The following ADGRD1 variants were observed in gnomAD, a reference collection of about 807,000 sequenced individuals.
ADGRD1 encodes adhesion G protein-coupled receptor D1, also known as G-protein coupled receptor 133.
ADGRD1 carries 77 observed loss-of-function variants against 113.4 expected under a neutral mutation model. That is an observed-to-expected ratio of 0.68 (90% CI 0.57 to 0.82). The LOEUF is 0.82. ADGRD1 is among the 40% of genes least tolerant of loss of function. The probability of loss-of-function intolerance (pLI) is 0.00; values close to 1 mark genes in which losing one functional copy is unlikely to be tolerated. For synonymous variants in ADGRD1, 474 were observed against 475.0 expected, an observed-to-expected ratio of 1.00 and a Z score of 0.03; for missense variants, 1,036 against 1,139.1, an observed-to-expected ratio of 0.91 and a Z score of 1.30.
intron 15 of ADGRD1, among the ~76,000 whole-genome samples, chr12:131,101,234 T>C (rs1950065915): frequency 6.6e-6 from 1 of 151,854 alleles, no homozygotes; most frequent in South Asian, 2.1e-4. Context: ...TGGAGACCTG[T>C]GTGGGGTGCA....
intron 19 of ADGRD1, among the ~76,000 whole-genome samples, chr12:131,118,655 C>T (rs1435605264): frequency 6.6e-6 from 1 of 152,162 alleles, no homozygotes; most frequent in African/African-American, 2.4e-5. Context: ...TTTGGGGCCT[C>T]GGAACTAGCA....
At chr12:131,111,407 A>G (rs1950344536) in intron 18 of ADGRD1, among the ~76,000 whole-genome samples, 1 of 152,182 alleles carries the variant, frequency 6.6e-6, no homozygotes, top group African/African-American at 2.4e-5. Flanking sequence ...TTTGGTGTTT[A>G]TTGAGCTTCT....
rs1333281406 is a variant in ADGRD1, at chr12:131,075,130, C to T, written c.1474-1671C>T. The stretch of plus-strand genomic sequence containing the variant: ...TCTGGCTGCTGGCTTCCCCAGGTCA[C>T]CGACTTATTTTTTAAATTTCCTTTA... On this transcript the variant is annotated intron_variant, in intron 13 of 24. Coordinates refer to ENST00000261654, the MANE Select transcript of ADGRD1 (RefSeq NM_198827.5). This position sits in a 1 kb window ranked among gnomAD's most constrained non-coding sequence, Gnocchi z 5.3. Among the ~76,000 whole-genome samples, 1 of 152,152 alleles carries T rather than the reference C, an allele frequency of 6.6e-6. No homozygotes were observed. Among genetic ancestry groups the T allele is most frequent in the Non-Finnish European group, 1.5e-5 (1 of 68,042 alleles).
chr12:131,042,513 G>A (rs867186210), intron 13 of ADGRD1, among the ~76,000 whole-genome samples: 4 of 152,234 alleles, frequency 2.6e-5, no homozygotes, highest in African/African-American at 7.2e-5. Context: ...AGCAGACACC[G>A]CTCCTGACTT....
At position 130,971,517 on chromosome 12, in the gene ADGRD1, C is replaced by G. The variant is rs1245120032; in HGVS notation, c.247C>G (p.Leu83Val). The change falls in exon 4 of 25, where the codon CTT becomes GTT. Residue 83 changes from leucine to valine, a missense_variant. Coordinates refer to ENST00000261654, the MANE Select transcript of ADGRD1 (RefSeq NM_198827.5). This position sits in a 1 kb window ranked among gnomAD's most constrained non-coding sequence, Gnocchi z 4.2. ...CCTGAAAGAGGAAAAGGGAGTCACG[C>G]TTCTCTATTACGGCAGGTACAACAG... The part of the protein sequence containing the change: ...IYLKEEKGVT[L>V]LYYGRYNSSC... 6.2e-7 allele frequency: 1 copy of G among 1,613,616 alleles called. No homozygotes were observed. The highest frequency in any genetic ancestry group is 8.5e-7 in the Non-Finnish European group (1 of 1,179,720).
At chr12:131,098,207 T>G (rs1485500527) in intron 15 of ADGRD1, among the ~76,000 whole-genome samples, 5 of 33,762 alleles carry the variant, frequency 1.5e-4, no homozygotes, top group Non-Finnish European at 3.2e-4. Flanking sequence ...CTGCCTTCTC[T>G]GCTTTTTCAG....
chr12:130,996,514 G>A (rs556141442), intron 8 of ADGRD1, among the ~76,000 whole-genome samples: 2 of 128,780 alleles, frequency 1.6e-5, no homozygotes, highest in East Asian at 2.4e-4. Flanking sequence ...TGGACGGGGC[G>A]GCTGGCCGGG....
chr12:131,129,362 GCTGGC>G (rs1449386736), intron 20 of ADGRD1, among the ~76,000 whole-genome samples: 1 of 128,164 alleles, frequency 7.8e-6, no homozygotes, highest in African/African-American at 3.3e-5. Flanking sequence ...TGAGTGACAG[GCTGGC>G]CCTCCTGTCT....
At chr12:131,058,017 A>T (rs957236124) in intron 13 of ADGRD1, among the ~76,000 whole-genome samples, 32 of 152,074 alleles carry the variant, frequency 2.1e-4, no homozygotes, top group African/African-American at 7.5e-4. Flanking sequence ...TTGGGAAATA[A>T]GTATTAAGAG....
At chr12:131,105,176 C>T (rs532298507) in intron 16 of ADGRD1, among the ~76,000 whole-genome samples, 27 of 152,376 alleles carry the variant, frequency 1.8e-4, no homozygotes, top group African/African-American at 6.0e-4. Flanking sequence ...TTCACTCTCG[C>T]TCCCACGTTC....
At chr12:131,047,227 C>T (rs768974318) in intron 13 of ADGRD1, among the ~76,000 whole-genome samples, 11 of 152,248 alleles carry the variant, frequency 7.2e-5, no homozygotes, top group African/African-American at 9.6e-5. Context: ...AGGGCAGGGG[C>T]GAGTCCTGTG....
Position 130,995,319 on chromosome 12 carries a change from G to A in ADGRD1, c.966+2927G>A, listed in dbSNP as rs142967595. On this transcript the variant is annotated intron_variant, in intron 8 of 24. Coordinates refer to ENST00000261654, the MANE Select transcript of ADGRD1 (RefSeq NM_198827.5). The stretch of plus-strand genomic sequence containing the variant: ...GGGATGGCGTATGCGCAGTGAGGTG[G>A]GTGGAGGCCAAGGCAGCTCCGTATC... Among the ~76,000 whole-genome samples, 220 of 152,322 alleles carry A rather than the reference G, an allele frequency of 1.4e-3. 1 individual carries two copies. The highest frequency in any genetic ancestry group is 5.3e-3 in the African/African-American group (219 of 41,580).
At chr12:131,011,116 C>G (rs1877817810) in intron 12 of ADGRD1, among the ~76,000 whole-genome samples, 1 of 138,224 alleles carries the variant, frequency 7.2e-6, no homozygotes, top group Non-Finnish European at 1.6e-5. Flanking sequence ...CCACCCTGCC[C>G]CACCTCACCC....
chr12:130,987,501 T>TTATA, intron 6 of ADGRD1, 152 bp downstream of exon 6: 2 of 737,616 alleles, frequency 2.7e-6, no homozygotes, highest in Non-Finnish European at 4.4e-6. Context: ...AGTTGTGTGT[T>TTATA]AGAACACCTG....
At chr12:130,993,449 C>T (rs1239382811) in intron 8 of ADGRD1, among the ~76,000 whole-genome samples, 2 of 150,144 alleles carry the variant, frequency 1.3e-5, no homozygotes, top group African/African-American at 4.9e-5. Flanking sequence ...TGACCAAGTG[C>T]TAATACTCCC....
chr12:131,083,119 C>T (rs1886196736), intron 14 of ADGRD1, among the ~76,000 whole-genome samples: 1 of 152,202 alleles, frequency 6.6e-6, no homozygotes, highest in Non-Finnish European at 1.5e-5. Flanking sequence ...CTGCCACATC[C>T]ATGCTGACAC....
At chr12:131,137,106 G>T in intron 23 of ADGRD1, 92 bp downstream of exon 23, 1 of 1,032,038 alleles carries the variant, frequency 9.7e-7, no homozygotes, top group Non-Finnish European at 1.5e-6. Context: ...GCCCTGTCAG[G>T]GTGGTGTCTG....
At chr12:131,104,692 T>G in intron 15 of ADGRD1, 139 bp from the exon 16 acceptor site, 2 of 572,906 alleles carry the variant, frequency 3.5e-6, no homozygotes, top group South Asian at 2.3e-5. Context: ...GCAACAGACA[T>G]TTGGGCTGGG....
chr12:131,038,739 CAGGT>C (rs970300938), intron 13 of ADGRD1, among the ~76,000 whole-genome samples: 9 of 152,226 alleles, frequency 5.9e-5, no homozygotes, highest in East Asian at 1.9e-4. Flanking sequence ...ACGGCAGTGA[CAGGT>C]AGGCTGACCT....
Sources: allele counts gnomAD v4.1 joint callset (sites outside exome capture counted in the v4.1 genomes callset), GRCh38; gene constraint gnomAD v4.1.1; non-coding constraint Gnocchi (gnomAD v3.1); transcripts MANE v1.5; gene names NCBI Gene and HGNC (gene_info 2026-07-23, HGNC 2026-07-21).